The following KDM4D variants were observed in gnomAD, a reference collection of about 807,000 sequenced individuals.
KDM4D encodes the protein lysine-specific demethylase 4D.
For synonymous variants in KDM4D, 254 were observed against 249.1 expected (o/e 1.02, Z -0.19); for missense variants, 427 against 674.8 (o/e 0.63, Z 4.07).
chr11:94,998,206 C>G lies in KDM4D; in HGVS notation c.834C>G (p.Gly278=), dbSNP rs782767565. The G allele has an allele frequency of 2.5e-6, 4 of 1,614,240 alleles. No individual in the cohort carries two copies. Among genetic ancestry groups the G allele is most frequent in the Middle Eastern group, 3.3e-4 (2 of 6,062 alleles). ...AGTTCATGGTGACCTTTCCCTATGGCTACCATGCTGGCTTCAACCATGGTT... is the reference window on the plus strand; with the variant it reads ...AGTTCATGGTGACCTTTCCCTATGGGTACCATGCTGGCTTCAACCATGGTT... The part of the protein sequence containing the change: ...AGEFMVTFPY[G]YHAGFNHGFN... Residue 278 remains glycine (G), a synonymous_variant, in exon 3 of 3, where the codon GGC becomes GGG. Coordinates refer to ENST00000335080, the MANE Select transcript of KDM4D (RefSeq NM_018039.3). The surrounding 1 kb of genome is among the most constrained non-coding windows in gnomAD (Gnocchi z 6.7).
At chr11:94,975,948 A>T (rs976522930) in intron 2 of KDM4D, among the ~76,000 whole-genome samples, 200 bp downstream of exon 2, 8 of 152,218 alleles carry the variant, frequency 5.3e-5, no homozygotes, top group Non-Finnish European at 1.2e-4. Flanking sequence ...GCCAGTGGTG[A>T]TAAATAGCCA....
At chr11:94,992,018 C>A (rs1222285800) in intron 2 of KDM4D, among the ~76,000 whole-genome samples, 2 of 151,826 alleles carry the variant, frequency 1.3e-5, no homozygotes, top group Non-Finnish European at 2.9e-5. Context: ...ACAATAATTT[C>A]AAAAGTTAAT....
intron 2 of KDM4D, among the ~76,000 whole-genome samples, chr11:94,987,829 A>C (rs782408407): frequency 2.6e-5 from 4 of 152,198 alleles, no homozygotes; most frequent in Non-Finnish European, 4.4e-5. Flanking sequence ...GAGAACAAAA[A>C]AAATTCCTGG....
chr11:94,987,154 G>C (rs1857894748), intron 2 of KDM4D, among the ~76,000 whole-genome samples: 2 of 152,142 alleles, frequency 1.3e-5, no homozygotes, highest in Admixed American at 1.3e-4. Flanking sequence ...TGGAGTTGGG[G>C]GTGGAAATGA....
rs186038418 is a variant in KDM4D, at chr11:94,997,067, C to T, written c.-306C>T. 9.9e-5 allele frequency: 22 copies of T among 222,818 alleles called. No individual in the cohort carries two copies. Among genetic ancestry groups the T allele is most frequent in the Admixed American group, 7.8e-4 (14 of 18,000 alleles). The allele number at this position is 222,818 out of a possible 1,614,324, so 13.8% of individuals were successfully genotyped here. A position where few individuals can be genotyped will look rare whatever the true frequency, so the allele number is the denominator to read the frequency against. ...AGGACATTCTCTGCTACATTTGGGT[C>T]GTACCCCCAGGTCTGAGTAATTCAA... On this transcript the variant is annotated 5_prime_UTR_variant, in exon 3 of 3. Transcript: ENST00000335080.
At chr11:94,984,462 T>A (rs2134111154) in intron 2 of KDM4D, among the ~76,000 whole-genome samples, 1 of 152,092 alleles carries the variant, frequency 6.6e-6, no homozygotes, top group African/African-American at 2.4e-5. Context: ...ACCACTGCAG[T>A]CCACCCTGGG....
intron 2 of KDM4D, among the ~76,000 whole-genome samples, chr11:94,979,508 G>A (rs1452556948): frequency 6.6e-6 from 1 of 152,182 alleles, no homozygotes; most frequent in Non-Finnish European, 1.5e-5. Context: ...GGGATTACAG[G>A]TGTGAGCCAG....
At chr11:94,981,194 T>G (rs1271461561) in intron 2 of KDM4D, among the ~76,000 whole-genome samples, 1 of 152,122 alleles carries the variant, frequency 6.6e-6, no homozygotes, top group Non-Finnish European at 1.5e-5. Context: ...TATTATTTTT[T>G]AAAGTTTCAT....
intron 2 of KDM4D, among the ~76,000 whole-genome samples, chr11:94,981,806 A>G (rs1395501533): frequency 6.6e-6 from 1 of 151,416 alleles, no homozygotes; most frequent in Non-Finnish European, 1.5e-5. Flanking sequence ...TTTGTTCATC[A>G]TATTTTATAT....
intron 2 of KDM4D, among the ~76,000 whole-genome samples, chr11:94,976,384 A>G (rs1441348870): frequency 2.0e-5 from 3 of 152,138 alleles, no homozygotes; most frequent in African/African-American, 7.2e-5. Context: ...CTGAGAAAAC[A>G]GAAGCTCTTA....
chr11:94,978,945 C>G (rs931906818), intron 2 of KDM4D, among the ~76,000 whole-genome samples: 1 of 152,014 alleles, frequency 6.6e-6, no homozygotes. Flanking sequence ...GAAAAAGTGA[C>G]AAATCTAAAA....
At chr11:94,981,297 G>T (rs1044260779) in intron 2 of KDM4D, among the ~76,000 whole-genome samples, 13 of 152,122 alleles carry the variant, frequency 8.5e-5, no homozygotes, top group Admixed American at 5.2e-4. Context: ...TTCCATCTAT[G>T]TTCATAAGCG....
intron 2 of KDM4D, among the ~76,000 whole-genome samples, chr11:94,989,459 A>G (rs1857915063): frequency 6.6e-6 from 1 of 152,200 alleles, no homozygotes; most frequent in African/African-American, 2.4e-5. Flanking sequence ...GATGAAAATA[A>G]AGATGATTTG....
chr11:94,981,607 A>G (rs1555097564), intron 2 of KDM4D, among the ~76,000 whole-genome samples: 1 of 152,046 alleles, frequency 6.6e-6, no homozygotes, highest in African/African-American at 2.4e-5. Flanking sequence ...CTTCATTGAA[A>G]TGTTAAACTG....
At chr11:94,981,352 C>T (rs587694836) in intron 2 of KDM4D, among the ~76,000 whole-genome samples, 42 of 151,954 alleles carry the variant, frequency 2.8e-4, no homozygotes, top group African/African-American at 8.9e-4. Context: ...GTTGGGGATT[C>T]GTACCATAAA....
chr11:94,998,274 T>C lies in KDM4D; in HGVS notation c.902T>C (p.Ile301Thr). Residue 301 changes from isoleucine (I) to threonine (T), a missense_variant, in exon 3 of 3, where the codon ATT becomes ACT. Physicochemically the swap from Ile to Thr is moderately conservative, Grantham distance 89. Transcript: ENST00000335080. This position sits in a 1 kb window ranked among gnomAD's most constrained non-coding sequence, Gnocchi z 6.7. ...ATCAATTTTGCCACTCCGCGATGGA[T>C]TGATTATGGCAAAATGGCCTCCCAG... is the stretch of plus-strand genomic sequence containing the variant. ...EAINFATPRW[I>T]DYGKMASQCS... 1.2e-6 allele frequency: 2 copies of C among 1,614,208 alleles called. No homozygotes were observed. Among genetic ancestry groups the C allele is most frequent in the Middle Eastern group, 1.6e-4 (1 of 6,062 alleles).
intron 2 of KDM4D, among the ~76,000 whole-genome samples, chr11:94,990,968 G>C (rs1590968202): frequency 6.6e-6 from 1 of 152,200 alleles, no homozygotes; most frequent in African/African-American, 2.4e-5. Context: ...GAGGAAAAAG[G>C]TGGCCTCTGG....
chr11:94,991,876 AAAG>A (rs1473022622), intron 2 of KDM4D, among the ~76,000 whole-genome samples: 3 of 152,016 alleles, frequency 2.0e-5, no homozygotes, highest in African/African-American at 7.2e-5. Flanking sequence ...GGGTTCAAAA[AAAG>A]CTTCTATAAA....
chr11:94,989,119 G>A, intron 2 of KDM4D, among the ~76,000 whole-genome samples: 1 of 152,138 alleles, frequency 6.6e-6, no homozygotes, highest in East Asian at 1.9e-4. Context: ...GCAAATGAAA[G>A]AATGAGACAG....
Sources: allele counts gnomAD v4.1 joint callset (sites outside exome capture counted in the v4.1 genomes callset), GRCh38; gene constraint gnomAD v4.1.1; non-coding constraint Gnocchi (gnomAD v3.1); transcripts MANE v1.5; gene names NCBI Gene and HGNC (gene_info 2026-07-23, HGNC 2026-07-21).